Variants in DPP10 observed in about 807,000 individuals in gnomAD.
DPP10 encodes dipeptidyl peptidase like 10, also known as inactive dipeptidyl peptidase 10.
A neutral mutation model predicts 120.9 loss-of-function variants in DPP10; 33 were observed. The ratio of observed to expected loss-of-function variants is 0.27; its 90% confidence interval spans 0.21 to 0.37. The LOEUF (loss-of-function observed/expected upper bound fraction) is 0.37. DPP10 is among the 10% of genes least tolerant of loss of function. The probability of loss-of-function intolerance (pLI) is 1.00; values close to 1 mark genes in which losing one functional copy is unlikely to be tolerated. For missense variants in DPP10, 816 were observed against 942.8 expected (o/e 0.87, Z 1.76); for synonymous variants, 337 against 326.1 (o/e 1.03, Z -0.36).
At chr2:115,576,000 A>G (rs754451611) in intron 5 of DPP10, among the ~76,000 whole-genome samples, 1 of 152,164 alleles carries the variant, frequency 6.6e-6, no homozygotes, top group Non-Finnish European at 1.5e-5. Flanking sequence ...AAACAAGGAG[A>G]TGGATTTTTC....
At chr2:115,411,072 G>A in intron 3 of DPP10, among the ~76,000 whole-genome samples, 1 of 152,152 alleles carries the variant, frequency 6.6e-6, no homozygotes, top group East Asian at 1.9e-4. Context: ...GCTCATGCCT[G>A]TAATCCCAGC....
At chr2:115,079,700 T>A (rs1165792596) in intron 1 of DPP10, among the ~76,000 whole-genome samples, 2 of 152,238 alleles carry the variant, frequency 1.3e-5, no homozygotes, top group East Asian at 3.9e-4. Flanking sequence ...AGTCATGAGA[T>A]GAGCTTGATG....
chr2:114,614,786 A>G (rs1327666899), intron 1 of DPP10, among the ~76,000 whole-genome samples: 1 of 152,154 alleles, frequency 6.6e-6, no homozygotes, highest in East Asian at 1.9e-4. Flanking sequence ...GCTTTGACCA[A>G]TTTCTCCCAC....
intron 4 of DPP10, among the ~76,000 whole-genome samples, chr2:115,510,135 C>G (rs1055122267): frequency 6.6e-6 from 1 of 151,992 alleles, no homozygotes; most frequent in Non-Finnish European, 1.5e-5. Flanking sequence ...AATGTTTTCT[C>G]CCAGGTATGT....
At chr2:115,544,716 A>G (rs1026251569) in intron 5 of DPP10, among the ~76,000 whole-genome samples, 2 of 152,032 alleles carry the variant, frequency 1.3e-5, no homozygotes, top group Admixed American at 1.3e-4. Context: ...TCTTAAGGGC[A>G]ACATAACATA....
chr2:114,588,392 G>A (rs1691176692), intron 1 of DPP10, among the ~76,000 whole-genome samples: 1 of 152,228 alleles, frequency 6.6e-6, no homozygotes, highest in African/African-American at 2.4e-5. Context: ...ATTGGCATAA[G>A]GAGAGGCTTA....
chr2:114,611,553 G>C (rs1362143248), intron 1 of DPP10, among the ~76,000 whole-genome samples: 2 of 152,132 alleles, frequency 1.3e-5, no homozygotes, highest in African/African-American at 4.8e-5. Context: ...TATTATGGTA[G>C]TTTAATATTC....
chr2:114,776,318 T>C (rs1006518087), intron 1 of DPP10, among the ~76,000 whole-genome samples: 4 of 152,178 alleles, frequency 2.6e-5, no homozygotes, highest in African/African-American at 9.7e-5. Context: ...AATGATGCCA[T>C]GGCATTCCAT....
At chr2:115,421,938 T>G (rs1322053741) in intron 3 of DPP10, among the ~76,000 whole-genome samples, 1 of 149,660 alleles carries the variant, frequency 6.7e-6, no homozygotes, top group Admixed American at 6.6e-5. Flanking sequence ...TATTTGAAAC[T>G]TTCCTTCTGT....
In DPP10 at chr2:114,756,357, C is replaced by G. The variant is rs79408948; in HGVS notation, c.60+313519C>G. ...GCAGGAATTTTTCCATGAGAAGGCCCTCATAGACCCCAGGGAATCATGGAG... is the reference window on the plus strand; with the variant it reads ...GCAGGAATTTTTCCATGAGAAGGCCGTCATAGACCCCAGGGAATCATGGAG... On this transcript the variant is annotated intron_variant, in intron 1 of 25. Coordinates refer to ENST00000410059, the MANE Select transcript of DPP10 (RefSeq NM_020868.6). Among the ~76,000 whole-genome samples the G allele has an allele frequency of 4.3e-3, 648 of 152,212 alleles. 7 individuals carry two copies. Among genetic ancestry groups the G allele is most frequent in the African/African-American group, 0.014 (591 of 41,520 alleles).
At chr2:115,144,966 T>C (rs1025910761) in intron 1 of DPP10, 1 of 152,122 alleles carries the variant, frequency 6.6e-6, no homozygotes, top group African/African-American at 2.4e-5. Context: ...CCAGCATTTA[T>C]AGTTATTTTC....
At chr2:115,762,988 C>T (rs1680293929) in intron 12 of DPP10, among the ~76,000 whole-genome samples, 2 of 152,088 alleles carry the variant, frequency 1.3e-5, no homozygotes, top group Non-Finnish European at 2.9e-5. Context: ...TGGAGATATT[C>T]AAATAAATAC....
chr2:115,059,732 G>C (rs1706247190), intron 1 of DPP10, among the ~76,000 whole-genome samples: 1 of 150,068 alleles, frequency 6.7e-6, no homozygotes, highest in Admixed American at 6.7e-5. Flanking sequence ...TAAGCTGATG[G>C]CGGGGACGGG....
At chr2:114,881,914 T>A (rs1158937526) in intron 1 of DPP10, among the ~76,000 whole-genome samples, 1 of 152,106 alleles carries the variant, frequency 6.6e-6, no homozygotes, top group African/African-American at 2.4e-5. Flanking sequence ...GTAATATACA[T>A]AATGATCATC....
In DPP10 at chr2:115,429,389, G is replaced by A. The variant is rs549168153; in HGVS notation, c.272-70121G>A. Reference sequence around the variant, plus strand: ...ACAAGCTAGCATAAATAAAATGTTTGGAAAAAATAAATGACAAGGCAATAT... The same window carrying A: ...ACAAGCTAGCATAAATAAAATGTTTAGAAAAAATAAATGACAAGGCAATAT... On this transcript the variant is annotated intron_variant, in intron 3 of 25. Transcript: ENST00000410059. 6.2e-4 allele frequency among the ~76,000 whole-genome samples: 95 copies of A among 152,022 alleles called. 1 individual carries two copies. The Middle Eastern group carries it at 0.017, about 27-fold the overall frequency.
intron 3 of DPP10, among the ~76,000 whole-genome samples, chr2:115,478,733 T>G (rs2075246714): frequency 1.3e-5 from 2 of 152,058 alleles, no homozygotes; most frequent in Non-Finnish European, 2.9e-5. Context: ...GCATAATTGA[T>G]AGACAAAGGA....
At chr2:115,279,146 G>T (rs1010918513) in intron 1 of DPP10, among the ~76,000 whole-genome samples, 1 of 152,122 alleles carries the variant, frequency 6.6e-6, no homozygotes, top group South Asian at 2.1e-4. Context: ...AAACTCAGAA[G>T]CCATTCTTAC....
intron 1 of DPP10, among the ~76,000 whole-genome samples, chr2:114,628,167 C>T (rs1022014271): frequency 6.6e-6 from 1 of 152,092 alleles, no homozygotes; most frequent in African/African-American, 2.4e-5. Context: ...TTTTCTTATA[C>T]TGGGCCTTGA....
intron 1 of DPP10, among the ~76,000 whole-genome samples, chr2:115,291,196 A>C (rs1184091322): frequency 6.6e-6 from 1 of 151,822 alleles, no homozygotes; most frequent in Admixed American, 6.6e-5. Context: ...AGAGACAGAG[A>C]TCTCCCTGTG....
Sources: allele counts gnomAD v4.1 joint callset (sites outside exome capture counted in the v4.1 genomes callset), GRCh38; gene constraint gnomAD v4.1.1; transcripts MANE v1.5; gene names NCBI Gene and HGNC (gene_info 2026-07-23, HGNC 2026-07-21).